TMEM244: variants seen among roughly 807,000 people sequenced by gnomAD.
The protein encoded by TMEM244 is putative transmembrane protein 244.
In TMEM244, 13 loss-of-function variants were observed where a neutral mutation model predicts 15.8. The ratio of observed to expected loss-of-function variants is 0.82; its 90% CI spans 0.53 to 1.30. The LOEUF is 1.30. Among genes scored for constraint, TMEM244 ranks in the 50% most tolerant of loss-of-function variants. The pLI is 0.00. For missense variants in TMEM244, 161 were observed against 144.9 expected (o/e 1.11, Z -0.57); for synonymous variants, 45 against 48.7 (o/e 0.92, Z 0.32).
Position 129,861,311 on chromosome 6 carries a change from G to A in TMEM244, c.-123C>T. On this transcript the variant is annotated 5_prime_UTR_variant, in exon 1 of 5. Coordinates refer to ENST00000368143, the MANE Select transcript of TMEM244 (RefSeq NM_001010876.2). ...TCCTGGAGACTAAGTGTGAGACGCAGTAGTGCAGGATGATTGGATTACGCA... is the reference window on the plus strand; with the variant it reads ...TCCTGGAGACTAAGTGTGAGACGCAATAGTGCAGGATGATTGGATTACGCA... The A allele has an allele frequency of 8.8e-7, 1 of 1,140,150 alleles. No individual in the cohort carries two copies. The highest frequency in any genetic ancestry group is 1.3e-6 in the Non-Finnish European group (1 of 775,246). 70.6% of individuals were successfully genotyped at this position (1,140,150 alleles called of 1,614,324 possible).
At chr6:129,848,048 AC>A (rs796494007) in intron 1 of TMEM244, among the ~76,000 whole-genome samples, 35 of 152,204 alleles carry the variant, frequency 2.3e-4, no homozygotes, top group African/African-American at 7.7e-4. Flanking sequence ...TGCGGGGATT[AC>A]AGGCATGAGC....
intron 3 of TMEM244, among the ~76,000 whole-genome samples, chr6:129,837,799 C>A (rs1776430345): frequency 6.6e-6 from 1 of 152,098 alleles, no homozygotes; most frequent in African/African-American, 2.4e-5. Flanking sequence ...AGACTTTAAA[C>A]CAACAAAGAT....
chr6:129,838,756 G>A (rs139218946), intron 3 of TMEM244, among the ~76,000 whole-genome samples: 10,385 of 152,144 alleles, frequency 0.068, 522 homozygotes, highest in South Asian at 0.21. Context: ...TATCACCACC[G>A]ATCCCACAGA....
intron 1 of TMEM244, among the ~76,000 whole-genome samples, chr6:129,860,080 T>G (rs1469223555): frequency 6.6e-6 from 1 of 151,308 alleles, no homozygotes; most frequent in Non-Finnish European, 1.5e-5. Context: ...CTGCAGCAAC[T>G]ATCTGGATAT....
At chr6:129,847,202 C>A (rs1254549328) in intron 1 of TMEM244, among the ~76,000 whole-genome samples, 1 of 152,032 alleles carries the variant, frequency 6.6e-6, no homozygotes, top group Non-Finnish European at 1.5e-5. Flanking sequence ...AAAAAATGTG[C>A]CACACTTCAC....
At chr6:129,851,128 G>T (rs1180108104) in intron 1 of TMEM244, among the ~76,000 whole-genome samples, 1 of 152,076 alleles carries the variant, frequency 6.6e-6, no homozygotes, top group Non-Finnish European at 1.5e-5. Context: ...GAGACAAAGA[G>T]AGATTAAGGA....
chr6:129,840,540 C>T (rs1776475173), intron 3 of TMEM244, among the ~76,000 whole-genome samples: 1 of 152,148 alleles, frequency 6.6e-6, no homozygotes, highest in East Asian at 1.9e-4. Flanking sequence ...ATGACTAAAA[C>T]CCCAAAAGCA....
chr6:129,831,475 C>T, intron 4 of TMEM244, 89 bp from the exon 5 acceptor site: 2 of 893,344 alleles, frequency 2.2e-6, no homozygotes, highest in South Asian at 2.9e-5. Flanking sequence ...AAATTATATC[C>T]ACTCAACAAG....
rs146579102 is a variant in TMEM244, at chr6:129,831,395, G to GA, written c.320-10dup. 220 of 1,543,954 alleles carry GA rather than the reference G, an allele frequency of 1.4e-4. 2 individuals carry two copies. The South Asian group carries it at 1.9e-3, about 14-fold the overall frequency. Reference sequence around the variant, plus strand: ...GGGGAATTCCAACATAACTGCAATAGAAAAAAAATGTTTAATTTCAAAACA... The same window carrying GA: ...GGGGAATTCCAACATAACTGCAATAGAAAAAAAAATGTTTAATTTCAAAACA... On this transcript the variant is annotated splice_polypyrimidine_tract_variant and intron_variant, in intron 4 of 4. Coordinates refer to ENST00000368143, the MANE Select transcript of TMEM244 (RefSeq NM_001010876.2).
chr6:129,833,953 T>A (rs1776365783), intron 3 of TMEM244, among the ~76,000 whole-genome samples: 2 of 152,060 alleles, frequency 1.3e-5, no homozygotes, highest in African/African-American at 4.8e-5. Context: ...CAGTTCTGAG[T>A]TTTAAGAAAT....
chr6:129,846,196 T>C (rs961046694), intron 1 of TMEM244, among the ~76,000 whole-genome samples: 1 of 152,202 alleles, frequency 6.6e-6, no homozygotes, highest in Non-Finnish European at 1.5e-5. Context: ...ATAGTCTCTA[T>C]ATTAGTATGT....
chr6:129,837,381 T>A (rs1776424135), intron 3 of TMEM244, among the ~76,000 whole-genome samples: 1 of 152,168 alleles, frequency 6.6e-6, no homozygotes, highest in African/African-American at 2.4e-5. Context: ...TGCTGAGAGA[T>A]TTTGTCACCA....
chr6:129,858,988 T>C (rs1776759604), intron 1 of TMEM244, among the ~76,000 whole-genome samples: 1 of 152,026 alleles, frequency 6.6e-6, no homozygotes, highest in South Asian at 2.1e-4. Flanking sequence ...AGAGATGGGG[T>C]TTCACCATGT....
chr6:129,839,607 C>G (rs374051258), intron 3 of TMEM244, among the ~76,000 whole-genome samples: 11 of 152,102 alleles, frequency 7.2e-5, no homozygotes, highest in East Asian at 3.9e-4. Flanking sequence ...AGAAATAAAG[C>G]GTATTCAATT....
chr6:129,837,873 C>A (rs563532866), intron 3 of TMEM244, among the ~76,000 whole-genome samples: 5 of 152,084 alleles, frequency 3.3e-5, no homozygotes, highest in Non-Finnish European at 7.4e-5. Context: ...AAGAGCTAAC[C>A]ATCCTAAATA....
intron 4 of TMEM244, among the ~76,000 whole-genome samples, chr6:129,831,820 C>G (rs1180840129): frequency 6.6e-6 from 1 of 152,140 alleles, no homozygotes; most frequent in African/African-American, 2.4e-5. Flanking sequence ...TCATTTCAAC[C>G]CTGAGGATTG....
chr6:129,861,128 G>A, intron 1 of TMEM244, 28 bp downstream of exon 1: 1 of 1,612,958 alleles, frequency 6.2e-7, no homozygotes, highest in African/African-American at 1.3e-5. Flanking sequence ...CAACTGAAAG[G>A]CAATGCAAAG....
chr6:129,836,165 C>T (rs1013900266), intron 3 of TMEM244, among the ~76,000 whole-genome samples: 12 of 152,036 alleles, frequency 7.9e-5, no homozygotes, highest in Admixed American at 1.3e-4. Flanking sequence ...CAGTAGGGGC[C>T]GACAGACACC....
chr6:129,850,897 G>T (rs1201520047), intron 1 of TMEM244, among the ~76,000 whole-genome samples: 2 of 152,158 alleles, frequency 1.3e-5, no homozygotes, highest in Non-Finnish European at 2.9e-5. Flanking sequence ...GGACAAGACA[G>T]TTCTCACCTC....
Sources: gnomAD v4.1 joint callset for allele counts (sites outside exome capture counted in the v4.1 genomes callset) on GRCh38, gnomAD v4.1.1 for gene constraint, MANE v1.5 for transcripts, NCBI Gene and HGNC (gene_info 2026-07-23, HGNC 2026-07-21) for gene names.